The following KMT2C variants were observed in gnomAD, a reference collection of about 807,000 sequenced individuals.
KMT2C encodes lysine methyltransferase 2C.
A neutral mutation model predicts 507.9 loss-of-function variants in KMT2C; 88 were observed. That is an observed-to-expected ratio of 0.17 (90% CI 0.15 to 0.21). KMT2C has a LOEUF of 0.21. KMT2C is among the 10% of genes least tolerant of loss of function. The pLI, the probability that KMT2C is intolerant of heterozygous loss-of-function variation, is 1.00. For synonymous variants in KMT2C, 2,049 were observed against 2,080.8 expected (o/e 0.98, Z 0.42); for missense variants, 4,954 against 5,957.8 (o/e 0.83, Z 5.55).
intron 1 of KMT2C, among the ~76,000 whole-genome samples, chr7:152,410,711 T>C (rs1446063695): frequency 6.6e-6 from 1 of 151,252 alleles, no homozygotes; most frequent in Non-Finnish European, 1.5e-5. Flanking sequence ...AATATATACA[T>C]CTCAGCCGGG....
At chr7:152,361,232 G>C (rs116388197) in intron 1 of KMT2C, among the ~76,000 whole-genome samples, 1,806 of 152,148 alleles carry the variant, frequency 0.012, 41 homozygotes, top group African/African-American at 0.042. Context: ...ATTGTTCATG[G>C]ACAAAAAGAA....
At position 152,208,279 on chromosome 7, in the gene KMT2C, T is replaced by C. The variant is rs1311650695; in HGVS notation, c.3713-851A>G. Among the ~76,000 whole-genome samples the C allele has an allele frequency of 3.9e-5, 6 of 152,358 alleles. No individual in the cohort carries two copies. The East Asian group carries it at 7.7e-4, about 20-fold the overall frequency. On this transcript the variant is annotated intron_variant, in intron 23 of 58. Coordinates refer to ENST00000262189, the MANE Select transcript of KMT2C (RefSeq NM_170606.3). ...AACTACACTCAGTTCTTTGAATGTATCAAGCTCTTTCTTCCACTATCTTCC... is the reference window on the plus strand; with the variant it reads ...AACTACACTCAGTTCTTTGAATGTACCAAGCTCTTTCTTCCACTATCTTCC...
chr7:152,210,964 G>T (rs892430349), intron 23 of KMT2C, among the ~76,000 whole-genome samples: 17 of 152,252 alleles, frequency 1.1e-4, no homozygotes, highest in Admixed American at 6.5e-4. Flanking sequence ...AGAGGGAATT[G>T]TTATCAATAA....
intron 1 of KMT2C, among the ~76,000 whole-genome samples, chr7:152,369,961 C>T (rs2097280723): frequency 6.6e-6 from 1 of 152,028 alleles, no homozygotes; most frequent in Non-Finnish European, 1.5e-5. Flanking sequence ...CCTGTAATCC[C>T]AGCGGGCAGA....
At chr7:152,364,930 GACAGACACACAC>G (rs931910909) in intron 1 of KMT2C, among the ~76,000 whole-genome samples, 72 of 130,312 alleles carry the variant, frequency 5.5e-4, no homozygotes, top group African/African-American at 2.2e-3. Flanking sequence ...ATCTGAAACA[GACAGACACACAC>G]ACACACACAC....
chr7:152,210,025 A>C (rs2094416609), intron 23 of KMT2C, among the ~76,000 whole-genome samples: 1 of 152,132 alleles, frequency 6.6e-6, no homozygotes, highest in South Asian at 2.1e-4. Context: ...TTCCTGGGTG[A>C]CCTTAAATGG....
chr7:152,138,388 C>T lies in KMT2C; in HGVS notation c.14643+408G>A, dbSNP rs1007992986. 5 of 167,952 alleles carry T rather than the reference C, an allele frequency of 3.0e-5. No individual in the cohort carries two copies. In the South Asian group the frequency reaches 4.3e-4, roughly 15 times the overall value. 10.4% of individuals were successfully genotyped at this position (167,952 alleles called of 1,614,324 possible). A position where few individuals can be genotyped will look rare whatever the true frequency, so the allele number is the denominator to read the frequency against. On this transcript the variant is annotated intron_variant, in intron 58 of 58. Coordinates refer to ENST00000262189, the MANE Select transcript of KMT2C (RefSeq NM_170606.3). The surrounding 1 kb of genome is among the most constrained non-coding windows in gnomAD (Gnocchi z 4.2). ...CAGCAGCACGGCGGCCCAGATTTGC[C>T]GCCCACAGCCCAACAGTGCCATCTC...
intron 31 of KMT2C, among the ~76,000 whole-genome samples, chr7:152,188,801 G>A (rs2093704443): frequency 6.6e-6 from 1 of 151,380 alleles, no homozygotes; most frequent in Non-Finnish European, 1.5e-5. Context: ...GTGGAGGTGG[G>A]GTTTCACCAT....
chr7:152,174,816 T>C (rs181168542), intron 38 of KMT2C, among the ~76,000 whole-genome samples: 20 of 152,324 alleles, frequency 1.3e-4, no homozygotes, highest in African/African-American at 4.8e-4. Context: ...TTCTTATTCT[T>C]AGAGGCACTG....
At chr7:152,142,485 T>A (rs983520599) in intron 55 of KMT2C, among the ~76,000 whole-genome samples, 3 of 152,218 alleles carry the variant, frequency 2.0e-5, no homozygotes, top group African/African-American at 7.2e-5. Flanking sequence ...CAGTCTCACA[T>A]GCTGCAGGAA....
At chr7:152,165,660 C>T (rs527765551) in intron 42 of KMT2C, among the ~76,000 whole-genome samples, 1 of 152,204 alleles carries the variant, frequency 6.6e-6, no homozygotes, top group Admixed American at 6.5e-5. Context: ...CAAACATGTA[C>T]AGTGGGGGTA....
chr7:152,427,646 G>A (rs1253712790), intron 1 of KMT2C, among the ~76,000 whole-genome samples: 1 of 152,074 alleles, frequency 6.6e-6, no homozygotes, highest in Non-Finnish European at 1.5e-5. Context: ...AATATATTCT[G>A]ATTTCCTTTC....
intron 2 of KMT2C, among the ~76,000 whole-genome samples, chr7:152,338,997 T>A (rs1378165111): frequency 6.6e-6 from 1 of 152,204 alleles, no homozygotes; most frequent in Non-Finnish European, 1.5e-5. Context: ...TTTGAACAAT[T>A]ACAAAAGTAT....
intron 1 of KMT2C, chr7:152,368,349 G>C: frequency 3.4e-6 from 4 of 1,168,974 alleles, no homozygotes; most frequent in East Asian, 2.4e-5. Context: ...AGCTGACTAA[G>C]AGCCCTCTGG....
At chr7:152,153,913 G>T in intron 48 of KMT2C, 97 bp downstream of exon 48, 1 of 1,234,918 alleles carries the variant, frequency 8.1e-7, no homozygotes, top group Non-Finnish European at 1.2e-6. Context: ...TTTATCCTCA[G>T]TGATCCTGTT....
At chr7:152,360,817 C>T (rs140649081) in intron 1 of KMT2C, among the ~76,000 whole-genome samples, 1,556 of 151,574 alleles carry the variant, frequency 0.01, 12 homozygotes, top group Non-Finnish European at 0.016. Context: ...CCACTGCACT[C>T]CAGCCTGGGC....
rs1343923482 is a variant in KMT2C at position 152,224,123 on chromosome 7, T to G, written c.3215A>C (p.Gln1072Pro). The G allele has an allele frequency of 6.2e-7, 1 of 1,608,336 alleles. No individual in the cohort carries two copies. Among genetic ancestry groups the G allele is most frequent in the Non-Finnish European group, 8.5e-7 (1 of 1,176,622 alleles). ...ATSAGLRCEW[Q>P]NNYTQCAPCA... ...AGGAGCGCACTGTGTGTAATTGTTC[T>G]GCCATTCACATCTTAGACCTGCAGA... Residue 1072 changes from glutamine (Q) to proline (P), a missense_variant, in exon 20 of 59, where the codon CAG (glutamine) becomes CCG (proline). By Grantham distance (76) the Gln-to-Pro change is moderately conservative. Around this residue, in one of 29 missense-constraint regions of KMT2C, gnomAD observed 52 missense variants for 162.4 expected, o/e 0.32. Transcript: ENST00000262189.
chr7:152,169,304 G>GA (rs3837083), intron 40 of KMT2C, 55 bp from the exon 41 acceptor site: 14 of 911,958 alleles, frequency 1.5e-5, no homozygotes, highest in South Asian at 6.2e-5. Flanking sequence ...TTAAAGGGGG[G>GA]AAAAAACTTT....
At chr7:152,427,008 TTTTTGTTTTG>T (rs910300642) in intron 1 of KMT2C, among the ~76,000 whole-genome samples, 2 of 151,394 alleles carry the variant, frequency 1.3e-5, no homozygotes, top group African/African-American at 2.4e-5. Context: ...CCAGAGTTTT[TTTTTGTTTTG>T]TTTTGTTTTG....
Sources: gnomAD v4.1 joint callset for allele counts (sites outside exome capture counted in the v4.1 genomes callset) on GRCh38, gnomAD v4.1.1 for gene constraint, gnomAD v4.1.1 regional missense constraint, Gnocchi (gnomAD v3.1) non-coding constraint, MANE v1.5 for transcripts, NCBI Gene and HGNC (gene_info 2026-07-23, HGNC 2026-07-21) for gene names.